APMAP: variants seen among roughly 807,000 people sequenced by gnomAD.
The protein encoded by APMAP is adipocyte plasma membrane associated protein, also known as adipocyte plasma membrane-associated protein.
Under a neutral mutation model 43.6 loss-of-function variants are expected in APMAP, and 33 were observed. The observed-to-expected ratio is 0.76, with a 90% CI of 0.57 to 1.01. APMAP has a LOEUF of 1.01. Among genes scored for constraint, APMAP ranks in the 50% least tolerant of loss-of-function variants. The pLI is 0.00. For missense variants in APMAP, 498 were observed against 540.7 expected (o/e 0.92, Z 0.78); for synonymous variants, 224 against 216.7 (o/e 1.03, Z -0.30).
intron 4 of APMAP, among the ~76,000 whole-genome samples, chr20:24,972,061 T>C (rs868459014): frequency 9.3e-5 from 13 of 140,536 alleles, no homozygotes; most frequent in African/African-American, 2.7e-4. Context: ...CAGGTGCTTA[T>C]TGTAGGGTGT....
chr20:24,965,620 A>T (rs1358970248), intron 8 of APMAP, among the ~76,000 whole-genome samples: 1 of 152,158 alleles, frequency 6.6e-6, no homozygotes, highest in East Asian at 1.9e-4. Context: ...AGCCCATGCA[A>T]GTGAGGAGGT....
rs1003279757 is a variant in APMAP at position 24,970,336 on chromosome 20, T to C, written c.574A>G (p.Ile192Val). ...VKLLLSSETPIEGKNMSFVND... is the reference protein window; with the variant it reads ...VKLLLSSETPVEGKNMSFVND... ...ACAAAGGACATGTTCTTCCCCTCAATGGGTGTCTCGGAGGACAGCAGCAGT... is the reference window on the plus strand; with the variant it reads ...ACAAAGGACATGTTCTTCCCCTCAACGGGTGTCTCGGAGGACAGCAGCAGT... The change falls in exon 6 of 9, where the codon ATT becomes GTT. Residue 192 changes from isoleucine to valine, a missense_variant. Physicochemically the swap from Ile to Val is conservative, Grantham distance 29. Transcript: ENST00000217456. The C allele has an allele frequency of 6.2e-7, 1 of 1,613,868 alleles. No individual in the cohort carries two copies. The highest frequency in any genetic ancestry group is 8.5e-7 in the Non-Finnish European group (1 of 1,179,868).
chr20:24,968,125 T>G (rs1331414540), intron 8 of APMAP, among the ~76,000 whole-genome samples: 1 of 152,198 alleles, frequency 6.6e-6, no homozygotes, highest in African/African-American at 2.4e-5. Context: ...AAAGCAGATC[T>G]CTGTATTACA....
Position 24,990,767 on chromosome 20 carries a change from C to A in APMAP, c.95+1827G>T, listed in dbSNP as rs115764440. 6.7e-3 allele frequency among the ~76,000 whole-genome samples: 1,011 copies of A among 152,010 alleles called. 14 individuals are homozygous for A. The highest frequency in any genetic ancestry group is 0.023 in the African/African-American group (957 of 41,434). ...ATAAATGAAAAATATAGGAGAAATG[C>A]AGAAGAAAAATAAGAAAAACAGCTA... On this transcript the variant is annotated intron_variant, in intron 1 of 8. Transcript: ENST00000217456.
In APMAP at chr20:24,969,029, G is replaced by A; in HGVS notation, c.904C>T (p.Pro302Ser). The change falls in exon 8 of 9, where the codon CCT becomes TCT. Residue 302 changes from proline (P) to serine (S), a missense_variant. Transcript: ENST00000217456. ...GGCCGGATGTTGTCTGGAAATCCAG[G>A]CATGTTCTCCACAAACAGATCAGCC... The part of the protein sequence containing the change: ...GGADLFVENM[P>S]GFPDNIRPSS... 5 of 1,613,892 alleles carry A rather than the reference G, an allele frequency of 3.1e-6. No homozygotes were observed. The highest frequency in any genetic ancestry group is 4.2e-6 in the Non-Finnish European group (5 of 1,179,964).
At chr20:24,983,597 T>G (rs2122522564) in intron 2 of APMAP, among the ~76,000 whole-genome samples, 1 of 152,358 alleles carries the variant, frequency 6.6e-6, no homozygotes, top group East Asian at 1.9e-4. Flanking sequence ...CATTTGTGTG[T>G]GTTTTTGCTA....
chr20:24,965,185 C>T (rs973219677), intron 8 of APMAP, among the ~76,000 whole-genome samples: 1 of 152,196 alleles, frequency 6.6e-6, no homozygotes, highest in African/African-American at 2.4e-5. Flanking sequence ...AGGGCCAGGA[C>T]CCCAGCCTTC....
intron 2 of APMAP, among the ~76,000 whole-genome samples, chr20:24,982,424 G>C: frequency 6.6e-6 from 1 of 152,196 alleles, no homozygotes; most frequent in East Asian, 1.9e-4. Flanking sequence ...TCCTCATCAG[G>C]CTTTTCTACT....
At position 24,969,794 on chromosome 20, in the gene APMAP, T is replaced by C. The variant is rs2087983299; in HGVS notation, c.714-134A>G. 12 of 1,253,062 alleles carry C rather than the reference T, an allele frequency of 9.6e-6. No homozygotes were observed. In the Admixed American group the frequency reaches 1.7e-4, roughly 18 times the overall value. The allele number at this position is 1,253,062 out of a possible 1,614,324, so 77.6% of individuals were successfully genotyped here. On this transcript the variant is annotated intron_variant, in intron 6 of 8. Coordinates refer to ENST00000217456, the MANE Select transcript of APMAP (RefSeq NM_020531.3). ...AGGCCCTGGGTGCCCTGCTCAAACTTGATTCGAGGCTGGCCCCTGGGGGCC... is the reference window on the plus strand; with the variant it reads ...AGGCCCTGGGTGCCCTGCTCAAACTCGATTCGAGGCTGGCCCCTGGGGGCC...
Position 24,963,019 on chromosome 20 carries a change from G to A in APMAP, c.*794C>T, listed in dbSNP as rs772971241. The stretch of plus-strand genomic sequence containing the variant: ...TTGTGAAAATATACAGCAACTTGGG[G>A]CTTATAACACATGAGCAAAGATGAC... On this transcript the variant is annotated 3_prime_UTR_variant, in exon 9 of 9. Transcript: ENST00000217456. 6.6e-6 allele frequency: 1 copy of A among 152,162 alleles called. No individual in the cohort carries two copies. Among genetic ancestry groups the A allele is most frequent in the African/African-American group, 2.4e-5 (1 of 41,426 alleles). 9.4% of individuals were successfully genotyped at this position (152,162 alleles called of 1,614,324 possible).
chr20:24,965,880 G>A (rs2087938182), intron 8 of APMAP, among the ~76,000 whole-genome samples: 1 of 152,222 alleles, frequency 6.6e-6, no homozygotes, highest in South Asian at 2.1e-4. Context: ...GAAAAATAAG[G>A]GGAGAAAACT....
At chr20:24,982,831 A>ACCCCCCCCCCCC in intron 2 of APMAP, among the ~76,000 whole-genome samples, 1 of 141,974 alleles carries the variant, frequency 7.0e-6, no homozygotes, top group East Asian at 2.1e-4. Context: ...ACATCAGGGG[A>ACCCCCCCCCCCC]CCCCCCCCCG....
chr20:24,969,007 C>G lies in APMAP; in HGVS notation c.926G>C (p.Arg309Pro), dbSNP rs768218884. The change falls in exon 8 of 9, where the codon CGG becomes CCG. Residue 309 changes from arginine (R) to proline (P), a missense_variant. Arg to Pro is a moderately radical substitution (Grantham distance 103). Coordinates refer to ENST00000217456, the MANE Select transcript of APMAP (RefSeq NM_020531.3). ...CCAGTACCCCCCAGAGCTGCTGGGC[C>G]GGATGTTGTCTGGAAATCCAGGCAT... The part of the protein sequence containing the change: ...ENMPGFPDNI[R>P]PSSSGGYWVG... 2 of 1,613,924 alleles carry G rather than the reference C, an allele frequency of 1.2e-6. No homozygotes were observed. The highest frequency in any genetic ancestry group is 1.7e-6 in the Non-Finnish European group (2 of 1,179,954).
chr20:24,976,524 A>G (rs1195764688), intron 3 of APMAP, among the ~76,000 whole-genome samples: 1 of 152,230 alleles, frequency 6.6e-6, no homozygotes, highest in Non-Finnish European at 1.5e-5. Context: ...GCCAAAATCC[A>G]AAACACTGAC....
intron 6 of APMAP, among the ~76,000 whole-genome samples, chr20:24,969,955 G>A (rs770079798): frequency 5.9e-5 from 9 of 152,200 alleles, no homozygotes; most frequent in African/African-American, 1.4e-4. Flanking sequence ...GGTCTCTCTC[G>A]ACTGCCTAGA....
At chr20:24,969,193 C>T (rs2087975588) in intron 7 of APMAP, 109 bp from the exon 8 acceptor site, 4 of 1,133,420 alleles carry the variant, frequency 3.5e-6, no homozygotes, top group South Asian at 3.4e-5. Context: ...ATGGAAAGTG[C>T]TCTATGACCA....
chr20:24,967,201 A>G (rs1450961889), intron 8 of APMAP, among the ~76,000 whole-genome samples: 1 of 152,214 alleles, frequency 6.6e-6, no homozygotes, highest in African/African-American at 2.4e-5. Flanking sequence ...AGGCTGAGGC[A>G]GGAGAATCAC....
chr20:24,986,068 A>C (rs1464510303), intron 1 of APMAP, among the ~76,000 whole-genome samples: 1 of 152,234 alleles, frequency 6.6e-6, no homozygotes, highest in African/African-American at 2.4e-5. Context: ...TGTTGAAGGC[A>C]AGGCCCGGTT....
In APMAP at chr20:24,978,750, C is replaced by CCAA. The variant is rs2088074641; in HGVS notation, c.328+16_328+17insTTG. ...GACAGCCTGGAAGGCTCCCCCCCCA[C>CCAA]CCAAGCTTAGACTTACCCCCAATAT... On this transcript the variant is annotated intron_variant, in intron 3 of 8. Coordinates refer to ENST00000217456, the MANE Select transcript of APMAP (RefSeq NM_020531.3). The CCAA allele has an allele frequency of 7.8e-6, 11 of 1,409,462 alleles. No homozygotes were observed. Among genetic ancestry groups the CCAA allele is most frequent in the Non-Finnish European group, 1.1e-5 (11 of 1,020,892 alleles). 87.3% of individuals were successfully genotyped at this position (1,409,462 alleles called of 1,614,324 possible).
Sources: gnomAD v4.1 joint callset for allele counts (sites outside exome capture counted in the v4.1 genomes callset) on GRCh38, gnomAD v4.1.1 for gene constraint, MANE v1.5 for transcripts, NCBI Gene and HGNC (gene_info 2026-07-23, HGNC 2026-07-21) for gene names.